The following TUSC3 variants were observed in gnomAD, a reference collection of about 807,000 sequenced individuals.
TUSC3 encodes dolichyl-diphosphooligosaccharide--protein glycosyltransferase subunit TUSC3.
A neutral mutation model predicts 44.8 loss-of-function variants in TUSC3; 45 were observed. The observed-to-expected ratio is 1.00, with a 90% confidence interval of 0.79 to 1.29. TUSC3 has a LOEUF of 1.29. Ranked by LOEUF, TUSC3 falls within the 50% of genes most tolerant of loss-of-function variation. The probability of loss-of-function intolerance (pLI) is 0.00; values close to 1 mark genes in which losing one functional copy is unlikely to be tolerated. For missense variants in TUSC3, 519 were observed against 437.9 expected (o/e 1.19, Z -1.65); for synonymous variants, 212 against 152.9 (o/e 1.39, Z -2.85).
At chr8:15,735,627 A>C (rs1237435397) in intron 7 of TUSC3, among the ~76,000 whole-genome samples, 1 of 152,208 alleles carries the variant, frequency 6.6e-6, no homozygotes, top group Non-Finnish European at 1.5e-5. Flanking sequence ...CAAATTATAT[A>C]TTGTGTTTAT....
At chr8:15,625,618 T>C (rs376946378) in intron 2 of TUSC3, among the ~76,000 whole-genome samples, 1 of 152,224 alleles carries the variant, frequency 6.6e-6, no homozygotes, top group African/African-American at 2.4e-5. Context: ...TTGTCCATGT[T>C]GTATATTCAT....
chr8:15,592,705 T>C (rs980923159), intron 1 of TUSC3, among the ~76,000 whole-genome samples: 4 of 152,216 alleles, frequency 2.6e-5, no homozygotes, highest in Non-Finnish European at 4.4e-5. Flanking sequence ...ATTTTCTTTA[T>C]AAATTATCAA....
At chr8:15,589,150 C>T (rs1162116311) in intron 1 of TUSC3, among the ~76,000 whole-genome samples, 1 of 152,032 alleles carries the variant, frequency 6.6e-6, no homozygotes, top group East Asian at 1.9e-4. Context: ...TTTTGGTTTC[C>T]ATTTACGTGG....
chr8:15,670,109 T>A (rs1254148785), intron 5 of TUSC3, among the ~76,000 whole-genome samples: 1 of 151,882 alleles, frequency 6.6e-6, no homozygotes, highest in Non-Finnish European at 1.5e-5. Context: ...ATAAATTTTT[T>A]AAAAACTTAA....
At position 15,447,181 on chromosome 8, in the gene TUSC3, T is replaced by C. The variant is rs192139256; in HGVS notation, n.91+29876T>C. The stretch of plus-strand genomic sequence containing the variant: ...TAAAGAAAAATATCAAGAATAGTTA[T>C]TCAGGAAAACCAGGTTTCCAAAAAT... On this transcript the variant is annotated intron_variant and non_coding_transcript_variant, in intron 1 of 5. Transcript: ENST00000503191. 1.4e-3 allele frequency among the ~76,000 whole-genome samples: 219 copies of C among 152,276 alleles called. 1 individual carries two copies. Among genetic ancestry groups the C allele is most frequent in the Non-Finnish European group, 1.8e-3 (124 of 68,004 alleles).
At chr8:15,607,385 A>C (rs769139415) in intron 1 of TUSC3, among the ~76,000 whole-genome samples, 7 of 152,160 alleles carry the variant, frequency 4.6e-5, no homozygotes, top group Non-Finnish European at 5.9e-5. Context: ...CTCCTTTACA[A>C]ACTACAGTTA....
intron 5 of TUSC3, among the ~76,000 whole-genome samples, chr8:15,672,490 G>C (rs999899937): frequency 6.6e-6 from 1 of 151,972 alleles, no homozygotes; most frequent in African/African-American, 2.4e-5. Context: ...CCAAAGCAAT[G>C]GACTTGCTCA....
At chr8:15,548,570 G>T (rs1416700790) in intron 1 of TUSC3, among the ~76,000 whole-genome samples, 1 of 151,770 alleles carries the variant, frequency 6.6e-6, no homozygotes, top group Non-Finnish European at 1.5e-5. Context: ...ATAGAAAAAT[G>T]GGAAGAACTG....
At chr8:15,424,178 G>T (rs1348023095) in intron 1 of TUSC3, among the ~76,000 whole-genome samples, 1 of 151,222 alleles carries the variant, frequency 6.6e-6, no homozygotes, top group Non-Finnish European at 1.5e-5. Context: ...TAGTATAGAG[G>T]GGGTTTCACC....
At chr8:15,489,701 T>A (rs1262982929) in intron 2 of TUSC3, among the ~76,000 whole-genome samples, 1 of 152,174 alleles carries the variant, frequency 6.6e-6, no homozygotes, top group Non-Finnish European at 1.5e-5. Flanking sequence ...AGATTTCTGT[T>A]TTAATGTGAA....
the TUSC3 span, among the ~76,000 whole-genome samples, chr8:15,841,856 T>A: frequency 6.6e-6 from 1 of 152,210 alleles, no homozygotes; most frequent in Non-Finnish European, 1.5e-5. Flanking sequence ...AATGTACTTC[T>A]TTCACTCCAT....
At chr8:15,670,440 G>T (rs1807895187) in intron 5 of TUSC3, among the ~76,000 whole-genome samples, 1 of 151,856 alleles carries the variant, frequency 6.6e-6, no homozygotes, top group Non-Finnish European at 1.5e-5. Context: ...TTGCAGTGCA[G>T]TGAGTAAGTA....
rs1247983677 is a variant in TUSC3, at chr8:15,738,778, T to C, written c.863-4760T>C. On this transcript the variant is annotated intron_variant, in intron 7 of 10. Coordinates refer to ENST00000503731, the MANE Select transcript of TUSC3 (RefSeq NM_006765.4). ...CTTTTATACATATTATACAAACATA[T>C]ACATCTTTTCACTTGGTATGGTGAC... Among the ~76,000 whole-genome samples the C allele has an allele frequency of 3.3e-5, 5 of 151,482 alleles. No individual in the cohort carries two copies. In the South Asian group the frequency reaches 6.3e-4, roughly 19 times the overall value.
chr8:15,525,140 A>G (rs191029577), intron 2 of TUSC3, among the ~76,000 whole-genome samples: 15 of 152,314 alleles, frequency 9.8e-5, no homozygotes, highest in African/African-American at 3.4e-4. Context: ...AGATTTCACA[A>G]CTTTTCCTAT....
chr8:15,573,936 T>C (rs1030389523), intron 1 of TUSC3, among the ~76,000 whole-genome samples: 1 of 152,130 alleles, frequency 6.6e-6, no homozygotes, highest in African/African-American at 2.4e-5. Flanking sequence ...TTCTTCCCAG[T>C]AGATGGTAGA....
At chr8:15,449,339 G>C (rs1478773755) in intron 1 of TUSC3, among the ~76,000 whole-genome samples, 1 of 152,172 alleles carries the variant, frequency 6.6e-6, no homozygotes, top group Non-Finnish European at 1.5e-5. Flanking sequence ...GTGTTAGCAT[G>C]GCTCAAGCGT....
chr8:15,609,925 C>T (rs1804691133), intron 1 of TUSC3, among the ~76,000 whole-genome samples: 1 of 151,976 alleles, frequency 6.6e-6, no homozygotes, highest in Non-Finnish European at 1.5e-5. Flanking sequence ...TATCTTTCCA[C>T]TTACTGTTAT....
intron 1 of TUSC3, among the ~76,000 whole-genome samples, chr8:15,427,170 A>G (rs1799814327): frequency 6.7e-6 from 1 of 148,600 alleles, no homozygotes; most frequent in South Asian, 2.1e-4. Context: ...ACTTTATTTC[A>G]TTCTACAGAT....
chr8:15,615,538 C>G (rs1033954832), intron 1 of TUSC3, among the ~76,000 whole-genome samples: 8 of 152,020 alleles, frequency 5.3e-5, no homozygotes, highest in Non-Finnish European at 1.2e-4. Context: ...GTAATAAGTT[C>G]TAATGTTCTA....
Sources: gnomAD v4.1 joint callset for allele counts (sites outside exome capture counted in the v4.1 genomes callset) on GRCh38, gnomAD v4.1.1 for gene constraint, MANE v1.5 for transcripts, NCBI Gene and HGNC (gene_info 2026-07-23, HGNC 2026-07-21) for gene names.